The following ARID2 variants were observed in gnomAD, a reference collection of about 807,000 sequenced individuals.
The protein encoded by ARID2 is AT-rich interaction domain 2.
A neutral mutation model predicts 184.6 loss-of-function variants in ARID2; 32 were observed. The ratio of observed to expected loss-of-function variants is 0.17; its 90% CI spans 0.13 to 0.23. ARID2 has a LOEUF of 0.23. Among genes scored for constraint, ARID2 ranks in the 10% least tolerant of loss-of-function variants. ARID2 has a pLI of 1.00. For synonymous variants in ARID2, 836 were observed against 772.6 expected (o/e 1.08, Z -1.36); for missense variants, 1,696 against 2,197.6 (o/e 0.77, Z 4.56).
intron 15 of ARID2, among the ~76,000 whole-genome samples, chr12:45,856,383 T>C (rs1399617620): frequency 6.6e-6 from 1 of 152,220 alleles, no homozygotes; most frequent in Non-Finnish European, 1.5e-5. Flanking sequence ...CTTTATATAC[T>C]CTTTAAAGTT....
At chr12:45,808,753 G>A (rs1480809236) in intron 3 of ARID2, among the ~76,000 whole-genome samples, 2 of 151,830 alleles carry the variant, frequency 1.3e-5, no homozygotes, top group East Asian at 1.9e-4. Context: ...GTGTGTGTGT[G>A]TGTGTGTATG....
At chr12:45,836,057 A>C (rs1943215805) in intron 6 of ARID2, among the ~76,000 whole-genome samples, 2 of 152,198 alleles carry the variant, frequency 1.3e-5, no homozygotes, top group African/African-American at 2.4e-5. Context: ...AGCCCTAAAC[A>C]TAAAAAGATG....
At chr12:45,895,478 A>G (rs1174760493) in intron 20 of ARID2, among the ~76,000 whole-genome samples, 1 of 152,208 alleles carries the variant, frequency 6.6e-6, no homozygotes, top group African/African-American at 2.4e-5. Context: ...TATGATAGTC[A>G]TTCAGTAAGT....
At chr12:45,817,303 A>G (rs1419555689) in intron 4 of ARID2, among the ~76,000 whole-genome samples, 7 of 152,102 alleles carry the variant, frequency 4.6e-5, no homozygotes, top group African/African-American at 1.7e-4. Context: ...GCAGTGAGCT[A>G]TGAAAGCGAC....
chr12:45,893,649 T>C lies in ARID2; in HGVS notation c.5291T>C (p.Ile1764Thr). The C allele has an allele frequency of 6.2e-7, 1 of 1,606,404 alleles. No individual in the cohort carries two copies. The highest frequency in any genetic ancestry group is 8.5e-7 in the Non-Finnish European group (1 of 1,178,066). Residue 1764 changes from isoleucine to threonine, a missense_variant, in exon 20 of 21, where the codon ATA becomes ACA. By Grantham distance (89) the Ile-to-Thr change is moderately conservative. This residue lies in a region of ARID2 where 69 missense variants were observed against 118.2 expected (regional missense o/e 0.58). Coordinates refer to ENST00000334344, the MANE Select transcript of ARID2 (RefSeq NM_152641.4). ...TTTAAGGATGAAAAAGAGGGACCAA[T>C]AACTAAACACATCCGACTAACAGCT... The part of the protein sequence containing the change: ...RDFTDEKEGP[I>T]TKHIRLTAAL...
Position 45,821,446 on chromosome 12 carries a change from G to T in ARID2, c.664G>T (p.Gly222Ter). 1.3e-6 allele frequency: 2 copies of T among 1,522,574 alleles called. No individual in the cohort carries two copies. Among genetic ancestry groups the T allele is most frequent in the Non-Finnish European group, 1.8e-6 (2 of 1,141,776 alleles). The allele number at this position is 1,522,574 out of a possible 1,614,324, so 94.3% of individuals were successfully genotyped here. A position where few individuals can be genotyped will look rare whatever the true frequency, so the allele number is the denominator to read the frequency against. Residue 222 changes from glycine (G) to a stop codon, truncating the protein, a stop_gained, in exon 6 of 21, where the codon GGA (glycine) becomes TGA (stop). Coordinates refer to ENST00000334344, the MANE Select transcript of ARID2 (RefSeq NM_152641.4). LOFTEE classifies it high-confidence loss of function. The part of the protein sequence containing the change: ...DTLGSFSTVF[G>*]EEWKEKTDRD... ...TTTAGGATCCTTTTCCACTGTATTTGGAGAAGAATGGAAAGAGAAGACTGA... is the reference window on the plus strand; with the variant it reads ...TTTAGGATCCTTTTCCACTGTATTTTGAGAAGAATGGAAAGAGAAGACTGA...
In ARID2 at chr12:45,850,300, C is replaced by G. The variant is rs1943522411; in HGVS notation, c.2177C>G (p.Thr726Arg). 6.2e-7 allele frequency: 1 copy of G among 1,614,124 alleles called. No individual in the cohort carries two copies. Among genetic ancestry groups the G allele is most frequent in the African/African-American group, 1.3e-5 (1 of 75,042 alleles). Residue 726 changes from threonine to arginine, a missense_variant, in exon 15 of 21, where the codon ACA (threonine) becomes AGA (arginine). Physicochemically the swap from Thr to Arg is moderately conservative, Grantham distance 71 (BLOSUM62 -1). Around this residue, in one of 11 missense-constraint regions of ARID2, gnomAD observed 713 missense variants for 824.4 expected, o/e 0.86. Transcript: ENST00000334344. ...GTTATCCAGAATTCCATACCCCAGA[C>G]AGGAGTTCCTGTTAGTATTGCTGTT... ...ATVIQNSIPQTGVPVSIAVGG... is the reference protein window; with the variant it reads ...ATVIQNSIPQRGVPVSIAVGG...
At chr12:45,900,662 C>A (rs1248473330) in intron 20 of ARID2, among the ~76,000 whole-genome samples, 2 of 152,250 alleles carry the variant, frequency 1.3e-5, no homozygotes, top group South Asian at 2.1e-4. Flanking sequence ...CATTTATTTT[C>A]TTTTCTTGTT....
intron 10 of ARID2, among the ~76,000 whole-genome samples, chr12:45,838,884 G>C (rs984867338): frequency 1.3e-5 from 1 of 74,402 alleles, no homozygotes; most frequent in African/African-American, 6.0e-5. Context: ...TTTTTTTTTT[G>C]AGACAGAATC....
chr12:45,764,917 C>CT (rs1343943021), intron 3 of ARID2, among the ~76,000 whole-genome samples: 3 of 152,130 alleles, frequency 2.0e-5, no homozygotes, highest in African/African-American at 7.2e-5. Flanking sequence ...TCATAAGAAA[C>CT]TGCTAAACTG....
chr12:45,841,762 CTT>C (rs1265873753), intron 11 of ARID2: 4 of 152,128 alleles, frequency 2.6e-5, no homozygotes, highest in Non-Finnish European at 5.9e-5. Context: ...TACACAAACT[CTT>C]TAACATCAGA....
At position 45,839,481 on chromosome 12, in the gene ARID2, G is replaced by A. The variant is rs1189510994; in HGVS notation, c.1483G>A (p.Val495Ile). ...AGAGCAAGTCCAAACCCAGACTCAT[G>A]TAGCATCTGCCCCAGGTTAGTGTTT... ...AIEQVQTQTH[V>I]ASAPASRAVV... Residue 495 changes from valine to isoleucine, a missense_variant, in exon 11 of 21, where the codon GTA (valine) becomes ATA (isoleucine). By Grantham distance (29) the Val-to-Ile change is conservative (BLOSUM62 3). Coordinates refer to ENST00000334344, the MANE Select transcript of ARID2 (RefSeq NM_152641.4). The A allele has an allele frequency of 6.2e-6, 10 of 1,612,516 alleles. No individual in the cohort carries two copies. In the East Asian group the frequency reaches 2.2e-4, roughly 36 times the overall value.
At chr12:45,751,996 A>G (rs894024896) in intron 3 of ARID2, among the ~76,000 whole-genome samples, 2 of 152,338 alleles carry the variant, frequency 1.3e-5, no homozygotes, top group Admixed American at 6.5e-5. Context: ...ATATATTTCT[A>G]AAGTTTCAAA....
intron 3 of ARID2, 106 bp from the exon 4 acceptor site, chr12:45,811,311 AT>A (rs1487850857): frequency 1.6e-6 from 2 of 1,230,508 alleles, no homozygotes; most frequent in South Asian, 1.8e-5. Context: ...ATTTTTATTA[AT>A]TTTTTTAGAT....
intron 4 of ARID2, among the ~76,000 whole-genome samples, chr12:45,814,019 A>G (rs1942760090): frequency 6.6e-6 from 1 of 152,148 alleles, no homozygotes; most frequent in African/African-American, 2.4e-5. Flanking sequence ...GATTTAATCC[A>G]ACTCAATCAT....
At chr12:45,819,023 A>G (rs901611775) in intron 5 of ARID2, among the ~76,000 whole-genome samples, 4 of 152,118 alleles carry the variant, frequency 2.6e-5, no homozygotes, top group African/African-American at 9.7e-5. Flanking sequence ...CCGTTATTCT[A>G]TTTTGATCTT....
chr12:45,843,880 G>C (rs1592114140), intron 11 of ARID2, among the ~76,000 whole-genome samples: 1 of 152,180 alleles, frequency 6.6e-6, no homozygotes, highest in East Asian at 1.9e-4. Flanking sequence ...TTGTTACTTA[G>C]AAAAAGTCCA....
intron 16 of ARID2, chr12:45,881,765 T>C: frequency 5.4e-6 from 1 of 184,230 alleles, no homozygotes. Flanking sequence ...GCAACATTCC[T>C]TTCCTTGCAG....
intron 16 of ARID2, among the ~76,000 whole-genome samples, chr12:45,869,123 G>A (rs1340588627): frequency 2.6e-5 from 4 of 151,810 alleles, no homozygotes; most frequent in Non-Finnish European, 4.4e-5. Flanking sequence ...AGGTTCAAGC[G>A]ATTCGCCTGC....
Sources: allele counts gnomAD v4.1 joint callset (sites outside exome capture counted in the v4.1 genomes callset), GRCh38; gene constraint gnomAD v4.1.1; regional missense constraint gnomAD v4.1.1; transcripts MANE v1.5; gene names NCBI Gene and HGNC (gene_info 2026-07-23, HGNC 2026-07-21).